FBXL7: variants seen among roughly 807,000 people sequenced by gnomAD.
FBXL7 encodes the protein F-box/LRR-repeat protein 7.
A neutral mutation model predicts 38.3 loss-of-function variants in FBXL7; 12 were observed. That is an observed-to-expected ratio of 0.31 (90% confidence interval 0.20 to 0.51). The LOEUF is 0.51. FBXL7 is among the 20% of genes least tolerant of loss of function. FBXL7 has a pLI of 0.98. For synonymous variants in FBXL7, 297 were observed against 300.9 expected, an observed-to-expected ratio of 0.99 and a Z score of 0.13; for missense variants, 567 against 676.4, an observed-to-expected ratio of 0.84 and a Z score of 1.79.
In FBXL7 at chr5:15,568,907, T is replaced by C. The variant is rs1262477296; in HGVS notation, c.38-47076T>C. ...CAAAGATCAGATGGTTGTTGATATGTGGCATTATTTCTGAGGGCTCTGTTC... is the reference window on the plus strand; with the variant it reads ...CAAAGATCAGATGGTTGTTGATATGCGGCATTATTTCTGAGGGCTCTGTTC... On this transcript the variant is annotated intron_variant, in intron 1 of 3. Transcript: ENST00000504595. Among the ~76,000 whole-genome samples, 4 of 152,266 alleles carry C rather than the reference T, an allele frequency of 2.6e-5. No homozygotes were observed. In the South Asian group the frequency reaches 6.2e-4, roughly 24 times the overall value.
chr5:15,791,963 G>C (rs1210836255), intron 2 of FBXL7, among the ~76,000 whole-genome samples: 1 of 152,102 alleles, frequency 6.6e-6, no homozygotes, highest in Non-Finnish European at 1.5e-5. Context: ...TCCCAAGAGT[G>C]TCCCGTGAAA....
At position 15,708,770 on chromosome 5, in the gene FBXL7, T is replaced by C. The variant is rs552277732; in HGVS notation, c.127+92698T>C. Among the ~76,000 whole-genome samples the C allele has an allele frequency of 9.8e-4, 149 of 152,272 alleles. 2 individuals carry two copies. In the South Asian group the frequency reaches 0.03, roughly 31 times the overall value. Reference sequence around the variant, plus strand: ...ATCCAAGTTGTGTCTTTTTCTTTGGTGTTTTGTTTATTTGTTTTCAAACCA... The same window carrying C: ...ATCCAAGTTGTGTCTTTTTCTTTGGCGTTTTGTTTATTTGTTTTCAAACCA... On this transcript the variant is annotated intron_variant, in intron 2 of 3. Coordinates refer to ENST00000504595, the MANE Select transcript of FBXL7 (RefSeq NM_012304.5).
At chr5:15,703,959 A>G (rs1743604686) in intron 2 of FBXL7, among the ~76,000 whole-genome samples, 1 of 152,212 alleles carries the variant, frequency 6.6e-6, no homozygotes, top group Non-Finnish European at 1.5e-5. Flanking sequence ...CACACTCAGC[A>G]GTGGCAGGTC....
At chr5:15,522,289 C>T (rs1017565547) in intron 1 of FBXL7, among the ~76,000 whole-genome samples, 12 of 152,180 alleles carry the variant, frequency 7.9e-5, no homozygotes. Context: ...ACCCCTGCCC[C>T]ACCATCTTCT....
intron 2 of FBXL7, among the ~76,000 whole-genome samples, chr5:15,876,350 T>C (rs1740205461): frequency 6.6e-6 from 1 of 152,172 alleles, no homozygotes; most frequent in African/African-American, 2.4e-5. Flanking sequence ...TATATCTATG[T>C]AAGAAACCTG....
intron 2 of FBXL7, among the ~76,000 whole-genome samples, chr5:15,623,229 C>A (rs1740709901): frequency 6.6e-6 from 1 of 152,160 alleles, no homozygotes; most frequent in Non-Finnish European, 1.5e-5. Flanking sequence ...CCATTATTCC[C>A]AGTAGGAGGA....
intron 2 of FBXL7, among the ~76,000 whole-genome samples, chr5:15,707,174 G>GTTTTTTTTTTTTT (rs71603796): frequency 1.8e-4 from 13 of 70,394 alleles, no homozygotes; most frequent in Admixed American, 2.3e-4. Flanking sequence ...TTTTCTTTTC[G>GTTTTTTTTTTTTT]TTTTTTTTTT....
chr5:15,513,601 A>G (rs1736858250), intron 1 of FBXL7, among the ~76,000 whole-genome samples: 1 of 152,176 alleles, frequency 6.6e-6, no homozygotes, highest in Non-Finnish European at 1.5e-5. Flanking sequence ...GATGGATGTG[A>G]TGTCTCATTG....
At chr5:15,682,308 G>T (rs1579374469) in intron 2 of FBXL7, among the ~76,000 whole-genome samples, 1 of 152,120 alleles carries the variant, frequency 6.6e-6, no homozygotes, top group African/African-American at 2.4e-5. Context: ...CATTCCATTG[G>T]CCAGATCTCA....
chr5:15,824,957 T>A (rs552179075), intron 2 of FBXL7, among the ~76,000 whole-genome samples: 81 of 152,350 alleles, frequency 5.3e-4, no homozygotes, highest in Non-Finnish European at 9.4e-4. Flanking sequence ...TCAAAGCCAG[T>A]CTGTGAATTT....
intron 1 of FBXL7, among the ~76,000 whole-genome samples, chr5:15,542,970 C>T (rs1737797809): frequency 6.6e-6 from 1 of 152,126 alleles, no homozygotes; most frequent in Non-Finnish European, 1.5e-5. Flanking sequence ...ACCAGTTGTC[C>T]TTTCCATGCT....
intron 2 of FBXL7, among the ~76,000 whole-genome samples, chr5:15,801,940 G>C (rs980705001): frequency 2.6e-5 from 4 of 152,024 alleles, no homozygotes; most frequent in African/African-American, 9.7e-5. Context: ...AAATTCAAGA[G>C]ATGTTAGGGA....
chr5:15,825,058 G>T (rs1356258706), intron 2 of FBXL7, among the ~76,000 whole-genome samples: 2 of 152,054 alleles, frequency 1.3e-5, no homozygotes, highest in African/African-American at 2.4e-5. Context: ...AACTCAATGG[G>T]TTTTTTATTT....
Position 15,624,297 on chromosome 5 carries a change from C to A in FBXL7, c.127+8225C>A, listed in dbSNP as rs565282000. ...GCCGTGTTTGGGTCCTGGGGCAGAT[C>A]CCTCATGATTACCTTTATGCCCTCT... On this transcript the variant is annotated intron_variant, in intron 2 of 3. Transcript: ENST00000504595. Among the ~76,000 whole-genome samples, 174 of 152,112 alleles carry A rather than the reference C, an allele frequency of 1.1e-3. 1 individual carries two copies. Among genetic ancestry groups the A allele is most frequent in the Non-Finnish European group, 2.0e-3 (137 of 68,018 alleles).
intron 2 of FBXL7, among the ~76,000 whole-genome samples, chr5:15,808,165 T>C (rs1737765498): frequency 6.6e-6 from 1 of 151,952 alleles, no homozygotes; most frequent in African/African-American, 2.4e-5. Context: ...AGCTGAAATA[T>C]GTATGTGGCA....
chr5:15,677,057 G>T (rs2126605135), intron 2 of FBXL7, among the ~76,000 whole-genome samples: 1 of 152,290 alleles, frequency 6.6e-6, no homozygotes, highest in East Asian at 1.9e-4. Context: ...TTTCATGTTG[G>T]CTGAATCATC....
At chr5:15,664,428 G>A (rs1443957413) in intron 2 of FBXL7, among the ~76,000 whole-genome samples, 5 of 142,902 alleles carry the variant, frequency 3.5e-5, no homozygotes, top group Admixed American at 1.4e-4. Context: ...GGAGTTTACC[G>A]TTACCTTGAG....
chr5:15,902,172 A>G (rs374624207), intron 2 of FBXL7, among the ~76,000 whole-genome samples: 2 of 152,068 alleles, frequency 1.3e-5, no homozygotes, highest in East Asian at 1.9e-4. Context: ...TTGCTTCCAC[A>G]TGGCTGAGTT....
rs535902187 is a variant in FBXL7 at position 15,532,195 on chromosome 5, A to C, written c.37+31482A>C. Reference sequence around the variant, plus strand: ...TGTGTAGTCATTTACATCTTTTTGCAGTGGCTATTTCTCATACACACTAGA... The same window carrying C: ...TGTGTAGTCATTTACATCTTTTTGCCGTGGCTATTTCTCATACACACTAGA... On this transcript the variant is annotated intron_variant, in intron 1 of 3. Transcript: ENST00000504595. Among the ~76,000 whole-genome samples the C allele has an allele frequency of 2.2e-3, 332 of 152,338 alleles. 1 individual carries two copies. The highest frequency in any genetic ancestry group is 3.0e-3 in the Non-Finnish European group (206 of 68,018).
Sources: allele counts gnomAD v4.1 joint callset (sites outside exome capture counted in the v4.1 genomes callset), GRCh38; gene constraint gnomAD v4.1.1; transcripts MANE v1.5; gene names NCBI Gene and HGNC (gene_info 2026-07-23, HGNC 2026-07-21).